The following KCNJ6 variants were observed in gnomAD, a reference collection of about 807,000 sequenced individuals.
KCNJ6 encodes the protein potassium inwardly rectifying channel subfamily J member 6, also known as G protein-activated inward rectifier potassium channel 2.
Under a neutral mutation model 34.2 loss-of-function variants are expected in KCNJ6, and 9 were observed. That is an observed-to-expected ratio of 0.26 (90% confidence interval 0.16 to 0.46). KCNJ6 has a LOEUF of 0.46. Among genes scored for constraint, KCNJ6 ranks in the 20% least tolerant of loss-of-function variants. The pLI is 1.00. For missense variants in KCNJ6, 236 were observed against 531.3 expected, an observed-to-expected ratio of 0.44 and a Z score of 5.46; for synonymous variants, 196 against 207.1, an observed-to-expected ratio of 0.95 and a Z score of 0.46.
intron 2 of KCNJ6, among the ~76,000 whole-genome samples, chr21:37,836,414 A>C (rs1029256962): frequency 6.6e-6 from 1 of 152,242 alleles, no homozygotes; most frequent in Non-Finnish European, 1.5e-5. Flanking sequence ...ATTATAAATC[A>C]TTCTACTATA....
intron 2 of KCNJ6, among the ~76,000 whole-genome samples, chr21:37,715,868 G>A (rs988347869): frequency 3.3e-5 from 5 of 152,112 alleles, no homozygotes; most frequent in Non-Finnish European, 7.4e-5. Context: ...CCTCCAGAAC[G>A]ATGAGAAAAT....
intron 2 of KCNJ6, among the ~76,000 whole-genome samples, chr21:37,763,377 C>G (rs939264812): frequency 6.6e-6 from 1 of 152,288 alleles, no homozygotes; most frequent in South Asian, 2.1e-4. Flanking sequence ...ACCATCACCT[C>G]GTCTTCCTTT....
chr21:37,689,997 C>A (rs924557431), intron 3 of KCNJ6, among the ~76,000 whole-genome samples: 1 of 152,076 alleles, frequency 6.6e-6, no homozygotes, highest in Non-Finnish European at 1.5e-5. Flanking sequence ...TAAATTATTT[C>A]AAAAAATAGA....
At chr21:37,836,365 T>G (rs1043213981) in intron 2 of KCNJ6, among the ~76,000 whole-genome samples, 2 of 152,242 alleles carry the variant, frequency 1.3e-5, no homozygotes, top group African/African-American at 4.8e-5. Flanking sequence ...GAAATACCAT[T>G]TGACCCAGCA....
intron 1 of KCNJ6, among the ~76,000 whole-genome samples, chr21:37,869,950 A>G (rs2055641908): frequency 6.6e-6 from 1 of 152,186 alleles, no homozygotes; most frequent in Admixed American, 6.5e-5. Context: ...TATAGATAGT[A>G]GGAAGTGAAA....
At chr21:37,757,725 C>T (rs1228962590) in intron 2 of KCNJ6, among the ~76,000 whole-genome samples, 1 of 152,246 alleles carries the variant, frequency 6.6e-6, no homozygotes, top group Non-Finnish European at 1.5e-5. Flanking sequence ...AGCACTCCCT[C>T]ACAGTGTGCT....
intron 2 of KCNJ6, among the ~76,000 whole-genome samples, chr21:37,839,651 T>G (rs2123577033): frequency 6.6e-6 from 1 of 152,272 alleles, no homozygotes; most frequent in East Asian, 1.9e-4. Flanking sequence ...CCATATGAAA[T>G]CTATCATCAG....
chr21:37,825,468 A>G (rs1218739033), intron 2 of KCNJ6, among the ~76,000 whole-genome samples: 1 of 152,182 alleles, frequency 6.6e-6, no homozygotes, highest in African/African-American at 2.4e-5. Flanking sequence ...AACATTTCAT[A>G]TATACAAACT....
intron 2 of KCNJ6, among the ~76,000 whole-genome samples, chr21:37,725,681 T>C (rs547570491): frequency 1.3e-5 from 2 of 152,312 alleles, no homozygotes; most frequent in Admixed American, 6.5e-5. Flanking sequence ...GGAATTAACA[T>C]AACAAATATT....
chr21:37,865,979 A>T (rs1224650494), intron 1 of KCNJ6, among the ~76,000 whole-genome samples: 1 of 152,246 alleles, frequency 6.6e-6, no homozygotes, highest in African/African-American at 2.4e-5. Flanking sequence ...AATTAAAAAA[A>T]ATCATATCAG....
intron 1 of KCNJ6, among the ~76,000 whole-genome samples, chr21:37,872,256 T>C (rs2055656113): frequency 6.6e-6 from 1 of 152,170 alleles, no homozygotes; most frequent in African/African-American, 2.4e-5. Context: ...CAGGATGGAG[T>C]AGCACACCCC....
intron 2 of KCNJ6, among the ~76,000 whole-genome samples, chr21:37,807,445 T>C (rs530653332): frequency 6.6e-6 from 1 of 152,378 alleles, no homozygotes; most frequent in South Asian, 2.1e-4. Flanking sequence ...TCCATTGTCA[T>C]ATTTAAGAAC....
chr21:37,861,669 G>A (rs1000190735), intron 1 of KCNJ6, among the ~76,000 whole-genome samples: 3 of 152,180 alleles, frequency 2.0e-5, no homozygotes, highest in Admixed American at 1.3e-4. Context: ...AAGCCTGAGA[G>A]CATTTCCCAC....
chr21:37,824,640 C>T (rs2055390131), intron 2 of KCNJ6, among the ~76,000 whole-genome samples: 1 of 152,106 alleles, frequency 6.6e-6, no homozygotes, highest in African/African-American at 2.4e-5. Flanking sequence ...ATAGTGAGCT[C>T]TCATGAGATC....
chr21:37,614,410 C>G lies in KCNJ6; in HGVS notation c.*10749G>C. 1 of 93,872 alleles carries G rather than the reference C, an allele frequency of 1.1e-5. No homozygotes were observed. The highest frequency in any genetic ancestry group is 3.5e-5 in the African/African-American group (1 of 28,428). The allele number at this position is 93,872 out of a possible 1,614,324, so 5.8% of individuals were successfully genotyped here. A position where few individuals can be genotyped will look rare whatever the true frequency, so the allele number is the denominator to read the frequency against. ...TATCTGTGTGTGCGTATGCATGTGT[C>G]TGTGTCTGTGTGAGTATGCGTGTAT... On this transcript the variant is annotated 3_prime_UTR_variant, in exon 4 of 4. Coordinates refer to ENST00000609713, the MANE Select transcript of KCNJ6 (RefSeq NM_002240.5).
intron 2 of KCNJ6, among the ~76,000 whole-genome samples, chr21:37,778,724 T>G (rs1213527945): frequency 6.6e-6 from 1 of 151,812 alleles, no homozygotes; most frequent in African/African-American, 2.4e-5. Flanking sequence ...TGTGTGTGTT[T>G]TAACACTCAT....
intron 1 of KCNJ6, among the ~76,000 whole-genome samples, chr21:37,891,809 C>A (rs775247880): frequency 6.6e-6 from 1 of 152,166 alleles, no homozygotes; most frequent in Non-Finnish European, 1.5e-5. Flanking sequence ...TTTCTTCTTG[C>A]AGCTGCTGTT....
chr21:37,856,976 G>T (rs984493159), intron 1 of KCNJ6, among the ~76,000 whole-genome samples: 1 of 152,154 alleles, frequency 6.6e-6, no homozygotes, highest in Non-Finnish European at 1.5e-5. Flanking sequence ...TAAATGCATT[G>T]CTTGTGGCTC....
chr21:37,841,538 T>G (rs990460394), intron 1 of KCNJ6, among the ~76,000 whole-genome samples: 3 of 152,234 alleles, frequency 2.0e-5, no homozygotes, highest in Non-Finnish European at 2.9e-5. Context: ...CTGAAAATTA[T>G]AAATCTAATG....
Sources: allele counts gnomAD v4.1 joint callset (sites outside exome capture counted in the v4.1 genomes callset), GRCh38; gene constraint gnomAD v4.1.1; transcripts MANE v1.5; gene names NCBI Gene and HGNC (gene_info 2026-07-23, HGNC 2026-07-21).